The following FLT4 variants were observed in gnomAD, a reference collection of about 807,000 sequenced individuals.
FLT4 encodes fms related receptor tyrosine kinase 4.
Under a neutral mutation model 163.2 loss-of-function variants are expected in FLT4, and 30 were observed. The ratio of observed to expected loss-of-function variants is 0.18; its 90% CI spans 0.14 to 0.25. The LOEUF (loss-of-function observed/expected upper bound fraction) is 0.25, where lower values mean the gene tolerates loss of function less well. Ranked by LOEUF, FLT4 falls within the 10% of genes least tolerant of loss-of-function variation. The pLI is 1.00. For missense variants in FLT4, 1,510 were observed against 1,863.8 expected, an observed-to-expected ratio of 0.81 and a Z score of 3.50; for synonymous variants, 884 against 789.5, an observed-to-expected ratio of 1.12 and a Z score of -2.01.
At chr5:180,616,312 C>T in intron 23 of FLT4, 55 bp downstream of exon 23, 5 of 1,611,502 alleles carry the variant, frequency 3.1e-6, no homozygotes. Context: ...GTCTGTGGTC[C>T]CACCCCTTCA....
chr5:180,621,478 C>T (rs1327333773), intron 13 of FLT4, 64 bp downstream of exon 13: 1 of 1,588,094 alleles, frequency 6.3e-7, no homozygotes, highest in Non-Finnish European at 8.5e-7. Flanking sequence ...CACGCCGGGG[C>T]AAAGGCAGAG....
rs766508041 is a variant in FLT4, at chr5:180,603,347, G to T, written c.3937C>A (p.Pro1313Thr). ...GQNVAVTRAHPDSQGRRRRPE... is the reference protein window; with the variant it reads ...GQNVAVTRAHTDSQGRRRRPE... The stretch of plus-strand genomic sequence containing the variant: ...CGCCGCCGCCTCCCTTGGGAGTCAG[G>T]GTGTGCCCTGGTCACAGCCACATTC... The change falls in exon 30 of 30, where the codon CCT (proline) becomes ACT (threonine). Residue 1313 changes from proline (P) to threonine (T), a missense_variant. Transcript: ENST00000261937. 6.2e-7 allele frequency: 1 copy of T among 1,614,086 alleles called. No individual in the cohort carries two copies. Among genetic ancestry groups the T allele is most frequent in the Non-Finnish European group, 8.5e-7 (1 of 1,179,994 alleles).
In FLT4 at chr5:180,606,550, T is replaced by C. The variant is rs139561751; in HGVS notation, c.3893+2418A>G. Among the ~76,000 whole-genome samples the C allele has an allele frequency of 1.0e-3, 154 of 152,340 alleles. 1 individual carries two copies. The highest frequency in any genetic ancestry group is 2.7e-3 in the Admixed American group (42 of 15,296). On this transcript the variant is annotated intron_variant, in intron 29 of 29. Coordinates refer to ENST00000261937, the MANE Select transcript of FLT4 (RefSeq NM_182925.5). ...CTGTCTCCTAGCTGAGCCACAGGCC[T>C]GGGCTGAGCGGCCTTCTTTGATCTC...
chr5:180,628,132 G>A (rs1028068103), intron 8 of FLT4, among the ~76,000 whole-genome samples: 1 of 152,216 alleles, frequency 6.6e-6, no homozygotes, highest in South Asian at 2.1e-4. Flanking sequence ...CCCCTCCTGG[G>A]GAATTGGCGA....
Position 180,604,980 on chromosome 5 carries a change from A to G in FLT4, c.3894-1590T>C, listed in dbSNP as rs78795510. Among the ~76,000 whole-genome samples the G allele has an allele frequency of 3.1e-3, 471 of 152,284 alleles. 4 individuals are homozygous for G. Among genetic ancestry groups the G allele is most frequent in the East Asian group, 0.028 (144 of 5,164 alleles). On this transcript the variant is annotated intron_variant, in intron 29 of 29. Transcript: ENST00000261937. ...AGATTTATCGGGTTTTTTTCCCCCA[A>G]AATGGGGGCTTGCTGTGTTGCCCAG...
Position 180,608,994 on chromosome 5 carries a change from G to C in FLT4, c.3867C>G (p.Ser1289Arg), listed in dbSNP as rs34371546. The change falls in exon 29 of 30, where the codon AGC (serine) becomes AGG (arginine). Residue 1289 changes from serine (S) to arginine (R), a missense_variant. Transcript: ENST00000261937. ...LASEEFEQIE[S>R]RHRQESGFSC... ...TGAAGCCGCTTTCTTGTCTATGCCTGCTCTCTATCTGCTCAAACTCCTCCG... is the reference window on the plus strand; with the variant it reads ...TGAAGCCGCTTTCTTGTCTATGCCTCCTCTCTATCTGCTCAAACTCCTCCG... 1 of 1,614,134 alleles carries C rather than the reference G, an allele frequency of 6.2e-7. No homozygotes were observed. Among genetic ancestry groups the C allele is most frequent in the African/African-American group, 1.3e-5 (1 of 75,040 alleles).
chr5:180,612,539 G>C lies in FLT4; in HGVS notation c.3504C>G (p.Ile1168Met), dbSNP rs1403607630. 2 of 1,613,862 alleles carry C rather than the reference G, an allele frequency of 1.2e-6. No homozygotes were observed. Among genetic ancestry groups the C allele is most frequent in the African/African-American group, 2.7e-5 (2 of 74,914 alleles). The change falls in exon 26 of 30, where the codon ATC (isoleucine) becomes ATG (methionine). Residue 1168 changes from isoleucine to methionine, a missense_variant. By Grantham distance (10) the Ile-to-Met change is conservative (BLOSUM62 1). Coordinates refer to ENST00000261937, the MANE Select transcript of FLT4 (RefSeq NM_182925.5). ...ARPAFSELVE[I>M]LGDLLQGRGL... ...CCCTGCCCTGGAGCAGGTCCCCCAG[G>C]ATCTCCACCAGCTCCGAGAATGCAG...
chr5:180,614,013 C>T lies in FLT4; in HGVS notation c.3331+55G>A, dbSNP rs1214383346. 2.2e-5 allele frequency: 27 copies of T among 1,252,210 alleles called. No homozygotes were observed. The East Asian group carries it at 6.0e-4, about 28-fold the overall frequency. 77.6% of individuals were successfully genotyped at this position (1,252,210 alleles called of 1,614,324 possible). A position where few individuals can be genotyped will look rare whatever the true frequency, so the allele number is the denominator to read the frequency against. On this transcript the variant is annotated intron_variant, in intron 24 of 29. Coordinates refer to ENST00000261937, the MANE Select transcript of FLT4 (RefSeq NM_182925.5). ...TACTCCAGCAGGGGCGGTCATGTAA[C>T]CTGCCGCCAGTGACCTCGCCTCCTC...
intron 28 of FLT4, chr5:180,609,537 G>T: frequency 2.7e-6 from 1 of 366,076 alleles, no homozygotes; most frequent in South Asian, 2.7e-5. Flanking sequence ...AGTGGCCCTG[G>T]AGGCAGGAAC....
intron 23 of FLT4, among the ~76,000 whole-genome samples, 178 bp downstream of exon 23, chr5:180,616,189 G>A (rs567826870): frequency 1.3e-5 from 2 of 152,308 alleles, no homozygotes; most frequent in African/African-American, 4.8e-5. Context: ...TAAGGTGGGG[G>A]GTGGTCAGTA....
chr5:180,641,324 G>C (rs1246297091), intron 1 of FLT4, among the ~76,000 whole-genome samples: 2 of 152,260 alleles, frequency 1.3e-5, no homozygotes, highest in African/African-American at 4.8e-5. Context: ...GGATGGCACT[G>C]GGATTATCCA....
intron 21 of FLT4, 123 bp downstream of exon 21, chr5:180,618,647 G>T: frequency 9.4e-7 from 1 of 1,061,770 alleles, no homozygotes; most frequent in Non-Finnish European, 1.4e-6. Flanking sequence ...CCTTCCTAAG[G>T]CAGAGCCCAT....
chr5:180,616,999 A>G lies in FLT4; in HGVS notation c.3002-5T>C. 6.2e-7 allele frequency: 1 copy of G among 1,611,688 alleles called. No individual in the cohort carries two copies. Among genetic ancestry groups the G allele is most frequent in the Non-Finnish European group, 8.5e-7 (1 of 1,178,744 alleles). On this transcript the variant is annotated splice_polypyrimidine_tract_variant and splice_region_variant and intron_variant, in intron 21 of 29. Coordinates refer to ENST00000261937, the MANE Select transcript of FLT4 (RefSeq NM_182925.5). ...GGCTCAGCCACAGGTCCTCAGCTAC[A>G]CAGTGGAGCCAGGTGGGCTCAGGAG...
intron 10 of FLT4, among the ~76,000 whole-genome samples, chr5:180,625,276 T>G (rs1381887652): frequency 1.3e-5 from 2 of 152,244 alleles, no homozygotes; most frequent in African/African-American, 4.8e-5. Context: ...CTTGTCTAAA[T>G]GTCCTGCTGG....
At chr5:180,631,325 T>TA (rs1561742238) in intron 2 of FLT4, among the ~76,000 whole-genome samples, 1 of 151,936 alleles carries the variant, frequency 6.6e-6, no homozygotes, top group African/African-American at 2.4e-5. Flanking sequence ...TACAAAAAAT[T>TA]AGCCGGGCGT....
In FLT4 at chr5:180,608,976, G is replaced by A. The variant is rs141496824; in HGVS notation, c.3885C>T (p.Ser1295=). ...GCTCACGAAGCCCTTACCTGAAGCCGCTTTCTTGTCTATGCCTGCTCTCTA... is the reference window on the plus strand; with the variant it reads ...GCTCACGAAGCCCTTACCTGAAGCCACTTTCTTGTCTATGCCTGCTCTCTA... ...EQIESRHRQE[S]GFSCKGPGQN... The change falls in exon 29 of 30, where the codon AGC becomes AGT. Residue 1295 remains serine, a synonymous_variant. Transcript: ENST00000261937. The A allele has an allele frequency of 6.0e-5, 97 of 1,613,678 alleles. No individual in the cohort carries two copies. The African/African-American group carries it at 8.1e-4, about 14-fold the overall frequency.
At position 180,602,997 on chromosome 5, in the gene FLT4, A is replaced by G. The variant is rs929861331; in HGVS notation, c.*195T>C. The G allele has an allele frequency of 2.1e-5, 13 of 626,420 alleles. No individual in the cohort carries two copies. Among genetic ancestry groups the G allele is most frequent in the Non-Finnish European group, 3.7e-5 (13 of 352,596 alleles). 38.8% of individuals were successfully genotyped at this position (626,420 alleles called of 1,614,324 possible). ...GGGCAGCTGGAGCGTGGCCCTGGCC[A>G]GTCGTGGTGACGGAATTCCGGGAGC... On this transcript the variant is annotated 3_prime_UTR_variant, in exon 30 of 30. Transcript: ENST00000261937.
chr5:180,609,133 CG>C, intron 28 of FLT4, 80 bp from the exon 29 acceptor site: 1 of 1,193,526 alleles, frequency 8.4e-7, no homozygotes, highest in Non-Finnish European at 1.3e-6. Flanking sequence ...CAGGAAAGTG[CG>C]GCATGGTCCT....
intron 1 of FLT4, among the ~76,000 whole-genome samples, chr5:180,642,017 G>T (rs551027876): frequency 6.6e-6 from 1 of 152,104 alleles, no homozygotes; most frequent in Non-Finnish European, 1.5e-5. Flanking sequence ...GACCATCCTG[G>T]CCAACATGGT....
Sources: gnomAD v4.1 joint callset for allele counts (sites outside exome capture counted in the v4.1 genomes callset) on GRCh38, gnomAD v4.1.1 for gene constraint, MANE v1.5 for transcripts, NCBI Gene and HGNC (gene_info 2026-07-23, HGNC 2026-07-21) for gene names.